Variants in MGA observed in about 807,000 individuals in gnomAD.
The protein encoded by MGA is MAX gene-associated protein.
Under a neutral mutation model 261.1 loss-of-function variants are expected in MGA, and 40 were observed. The ratio of observed to expected loss-of-function variants is 0.15; its 90% CI spans 0.12 to 0.20. The LOEUF is 0.20. MGA is among the 10% of genes least tolerant of loss of function. The probability of loss-of-function intolerance (pLI) is 1.00; values close to 1 mark genes in which losing one functional copy is unlikely to be tolerated. For missense variants in MGA, 3,397 were observed against 3,630.5 expected (o/e 0.94, Z 1.65); for synonymous variants, 1,302 against 1,290.6 (o/e 1.01, Z -0.19).
chr15:41,679,741 CG>C (rs1410676911), intron 2 of MGA, among the ~76,000 whole-genome samples: 2 of 151,232 alleles, frequency 1.3e-5, no homozygotes, highest in African/African-American at 4.9e-5. Context: ...GGACTGAGTG[CG>C]TTTTTTTTGT....
At chr15:41,640,077 A>G (rs2056790827) in intron 1 of MGA, among the ~76,000 whole-genome samples, 1 of 152,212 alleles carries the variant, frequency 6.6e-6, no homozygotes, top group Non-Finnish European at 1.5e-5. Context: ...GCATCAAGGC[A>G]GGCTTCATGA....
At chr15:41,758,121 A>T (rs181414494) in intron 19 of MGA, among the ~76,000 whole-genome samples, 2 of 152,206 alleles carry the variant, frequency 1.3e-5, no homozygotes, top group East Asian at 3.9e-4. Context: ...CTGTTCTTGT[A>T]ATGGTCTGAT....
intron 5 of MGA, among the ~76,000 whole-genome samples, chr15:41,707,327 G>A (rs1300839314): frequency 6.6e-6 from 1 of 152,192 alleles, no homozygotes; most frequent in African/African-American, 2.4e-5. Flanking sequence ...AGACTTGGTT[G>A]GAGAGGGATC....
At chr15:41,757,961 A>G in intron 19 of MGA, 122 bp downstream of exon 19, 5 of 713,606 alleles carry the variant, frequency 7.0e-6, no homozygotes, top group Non-Finnish European at 1.2e-5. Context: ...TTTGCCAGTG[A>G]GTTAATATAA....
At chr15:41,682,641 C>T (rs532655040) in intron 2 of MGA, among the ~76,000 whole-genome samples, 129 of 152,004 alleles carry the variant, frequency 8.5e-4, no homozygotes, top group Middle Eastern at 3.4e-3. Context: ...CTTCCACGCC[C>T]GGCTAATTTT....
chr15:41,763,597 G>A (rs756993165), intron 22 of MGA, among the ~76,000 whole-genome samples: 1 of 151,772 alleles, frequency 6.6e-6, no homozygotes. Flanking sequence ...TACAAAATTA[G>A]CCAGGTGTGG....
chr15:41,689,415 C>T (rs188976204), intron 2 of MGA, among the ~76,000 whole-genome samples: 1 of 150,906 alleles, frequency 6.6e-6, no homozygotes, highest in Admixed American at 6.6e-5. Flanking sequence ...TCTCTTTCTC[C>T]TCTTTCCCTC....
At position 41,696,150 on chromosome 15, in the gene MGA, T is replaced by C. The variant is rs895019060; in HGVS notation, c.1140T>C (p.Val380=). 3.7e-6 allele frequency: 6 copies of C among 1,613,876 alleles called. No individual in the cohort carries two copies. In the African/African-American group the frequency reaches 8.0e-5, roughly 22 times the overall value. ...ACCAGAACGGAAGCTTCAATGTTGTTATTAAAGAGGAACCTCTAGATGATT... is the reference window on the plus strand; with the variant it reads ...ACCAGAACGGAAGCTTCAATGTTGTCATTAAAGAGGAACCTCTAGATGATT... The change falls in exon 3 of 24, where the codon GTT becomes GTC. Residue 380 remains valine, a synonymous_variant. Transcript: ENST00000219905.
At chr15:41,715,411 G>C (rs2151527918) in intron 9 of MGA, among the ~76,000 whole-genome samples, 1 of 152,036 alleles carries the variant, frequency 6.6e-6, no homozygotes. Context: ...GCCTCCCAAA[G>C]GGCTTGGTTT....
At chr15:41,624,328 A>G (rs979386650) in intron 1 of MGA, among the ~76,000 whole-genome samples, 18 of 151,894 alleles carry the variant, frequency 1.2e-4, no homozygotes, top group South Asian at 2.1e-4. Flanking sequence ...GCTCACTGCA[A>G]CTTCCGCATC....
At chr15:41,643,064 A>G (rs115555099) in intron 1 of MGA, among the ~76,000 whole-genome samples, 2 of 150,460 alleles carry the variant, frequency 1.3e-5, no homozygotes, top group Non-Finnish European at 3.0e-5. Context: ...CACCACACTT[A>G]GCTAATTATT....
At chr15:41,645,078 G>A (rs1429489067) in intron 1 of MGA, among the ~76,000 whole-genome samples, 2 of 152,188 alleles carry the variant, frequency 1.3e-5, no homozygotes, top group South Asian at 4.1e-4. Flanking sequence ...CTTTTTTTGG[G>A]GAGGATAACA....
At chr15:41,674,668 T>C (rs967009759) in intron 2 of MGA, among the ~76,000 whole-genome samples, 3 of 152,130 alleles carry the variant, frequency 2.0e-5, no homozygotes, top group African/African-American at 7.2e-5. Flanking sequence ...TATAGACGCA[T>C]GCCACCACAG....
chr15:41,670,801 C>A (rs1035866908), intron 2 of MGA, among the ~76,000 whole-genome samples: 1 of 152,142 alleles, frequency 6.6e-6, no homozygotes, highest in African/African-American at 2.4e-5. Context: ...CCACCGTGCC[C>A]GGCCGTAAGC....
At chr15:41,704,547 G>A (rs767266214) in intron 5 of MGA, among the ~76,000 whole-genome samples, 1 of 152,104 alleles carries the variant, frequency 6.6e-6, no homozygotes, top group Non-Finnish European at 1.5e-5. Flanking sequence ...AGTCCCAGCT[G>A]CTGGGGAGGC....
At chr15:41,697,196 A>G (rs1453708382) in intron 3 of MGA, among the ~76,000 whole-genome samples, 173 bp downstream of exon 3, 1 of 152,104 alleles carries the variant, frequency 6.6e-6, no homozygotes, top group African/African-American at 2.4e-5. Flanking sequence ...AGTTAATAGG[A>G]ATAACTTAAG....
rs771815727 is a variant in MGA at position 41,669,295 on chromosome 15, G to A, written c.401G>A (p.Arg134His). Residue 134 changes from arginine to histidine, a missense_variant, in exon 2 of 24, where the codon CGT (arginine) becomes CAT (histidine). By Grantham distance (29) the Arg-to-His change is conservative. Around this residue, in one of 9 missense-constraint regions of MGA, gnomAD observed 104 missense variants for 212.9 expected, o/e 0.49. Transcript: ENST00000219905. The stretch of plus-strand genomic sequence containing the variant: ...GATATATCTCCTGTGGATAACCATC[G>A]TTATAAGTGGAATGGTCGTTGGTGG... The A allele has an allele frequency of 1.2e-6, 2 of 1,613,996 alleles. No homozygotes were observed. The highest frequency in any genetic ancestry group is 1.7e-6 in the Non-Finnish European group (2 of 1,179,880).
intron 9 of MGA, among the ~76,000 whole-genome samples, chr15:41,723,313 G>C (rs1024583490): frequency 6.6e-6 from 1 of 152,162 alleles, no homozygotes; most frequent in African/African-American, 2.4e-5. Context: ...TGAGGGATCA[G>C]TATTTTGTTC....
chr15:41,670,667 G>A (rs1017884357), intron 2 of MGA, among the ~76,000 whole-genome samples: 2 of 152,026 alleles, frequency 1.3e-5, no homozygotes, highest in Non-Finnish European at 2.9e-5. Context: ...CACCACGCCC[G>A]GCTAATTTTT....
Sources: allele counts gnomAD v4.1 joint callset (sites outside exome capture counted in the v4.1 genomes callset), GRCh38; gene constraint gnomAD v4.1.1; regional missense constraint gnomAD v4.1.1; transcripts MANE v1.5; gene names NCBI Gene and HGNC (gene_info 2026-07-23, HGNC 2026-07-21).